SNTG1: variants seen among roughly 807,000 people sequenced by gnomAD.
The protein encoded by SNTG1 is syntrophin gamma 1, also known as gamma-1-syntrophin.
A neutral mutation model predicts 74.7 loss-of-function variants in SNTG1; 39 were observed. That is an observed-to-expected ratio of 0.52 (90% CI 0.40 to 0.68). The LOEUF (loss-of-function observed/expected upper bound fraction) is 0.68, where lower values mean the gene tolerates loss of function less well. Among genes scored for constraint, SNTG1 ranks in the 30% least tolerant of loss-of-function variants. SNTG1 has a pLI of 0.00. For missense variants in SNTG1, 685 were observed against 609.5 expected (o/e 1.12, Z -1.30); for synonymous variants, 254 against 217.1 (o/e 1.17, Z -1.49).
At position 50,692,134 on chromosome 8, in the gene SNTG1, C is replaced by T. The variant is rs549766287; in HGVS notation, c.1039-12466C>T. On this transcript the variant is annotated intron_variant, in intron 15 of 18. Transcript: ENST00000642720. ...TAAGGACTTCTCTGCATTGGTTCTT[C>T]TAGTTATCCATTTGTCTAATTTTTT... Among the ~76,000 whole-genome samples the T allele has an allele frequency of 9.8e-5, 15 of 152,298 alleles. 1 individual carries two copies. The East Asian group carries it at 1.5e-3, about 16-fold the overall frequency.
chr8:50,474,011 C>T (rs559965895), intron 8 of SNTG1, among the ~76,000 whole-genome samples: 4 of 151,790 alleles, frequency 2.6e-5, no homozygotes, highest in Admixed American at 6.6e-5. Flanking sequence ...AGAGGTGCAA[C>T]GGCTCCATGG....
chr8:49,936,075 T>G (rs1342174659), intron 1 of SNTG1, among the ~76,000 whole-genome samples: 1 of 152,104 alleles, frequency 6.6e-6, no homozygotes, highest in Non-Finnish European at 1.5e-5. Flanking sequence ...AAATCCTAAT[T>G]GGAATGGTTC....
chr8:50,502,460 A>G (rs2093968980), intron 8 of SNTG1, among the ~76,000 whole-genome samples: 1 of 152,222 alleles, frequency 6.6e-6, no homozygotes, highest in Non-Finnish European at 1.5e-5. Flanking sequence ...TGACCTGAAC[A>G]TTCTATCTGC....
intron 2 of SNTG1, among the ~76,000 whole-genome samples, chr8:50,310,427 G>A (rs762361618): frequency 1.8e-4 from 27 of 152,218 alleles, no homozygotes; most frequent in Non-Finnish European, 2.2e-4. Context: ...GGTGGCTCAC[G>A]CATGTAATCC....
chr8:50,136,114 A>G (rs983411277), intron 1 of SNTG1, among the ~76,000 whole-genome samples: 5 of 152,112 alleles, frequency 3.3e-5, no homozygotes, highest in African/African-American at 1.2e-4. Context: ...ATTGTATTTC[A>G]TGGTCTATAT....
chr8:50,454,674 T>C (rs1057404882), intron 8 of SNTG1, among the ~76,000 whole-genome samples: 4 of 151,488 alleles, frequency 2.6e-5, no homozygotes, highest in East Asian at 1.9e-4. Flanking sequence ...AAACCCTATC[T>C]CTACTAAAAA....
At chr8:50,753,272 T>C (rs1382595205) in intron 18 of SNTG1, among the ~76,000 whole-genome samples, 3 of 152,056 alleles carry the variant, frequency 2.0e-5, no homozygotes, top group Non-Finnish European at 4.4e-5. Flanking sequence ...TCATTTACTT[T>C]GTGCCAACCA....
At chr8:50,287,895 AC>A (rs925280023) in intron 2 of SNTG1, among the ~76,000 whole-genome samples, 1 of 146,404 alleles carries the variant, frequency 6.8e-6, no homozygotes, top group African/African-American at 2.4e-5. Context: ...TGTCCTTTCC[AC>A]CCCTCTGTGT....
At chr8:50,386,895 A>G (rs1323034397) in intron 2 of SNTG1, among the ~76,000 whole-genome samples, 2 of 152,182 alleles carry the variant, frequency 1.3e-5, no homozygotes, top group African/African-American at 4.8e-5. Flanking sequence ...GTGGACGAAC[A>G]TTCAAACCTT....
chr8:50,678,422 A>G (rs1012345749), intron 15 of SNTG1, among the ~76,000 whole-genome samples: 6 of 152,104 alleles, frequency 3.9e-5, no homozygotes, highest in Non-Finnish European at 7.4e-5. Flanking sequence ...TGTTCTTACT[A>G]TATCCAGACA....
intron 15 of SNTG1, among the ~76,000 whole-genome samples, chr8:50,695,491 T>TTTAA (rs2095401480): frequency 7.6e-6 from 1 of 132,140 alleles, no homozygotes; most frequent in Admixed American, 7.0e-5. Flanking sequence ...TTATTTCTTA[T>TTTAA]TTATTTATTT....
At chr8:50,376,371 A>G (rs1001970454) in intron 2 of SNTG1, among the ~76,000 whole-genome samples, 2 of 152,066 alleles carry the variant, frequency 1.3e-5, no homozygotes, top group African/African-American at 4.8e-5. Context: ...CATCTTACTG[A>G]GGTTTTCTTT....
intron 12 of SNTG1, among the ~76,000 whole-genome samples, chr8:50,555,588 A>G (rs1444475006): frequency 6.6e-6 from 1 of 152,148 alleles, no homozygotes; most frequent in Non-Finnish European, 1.5e-5. Context: ...CACCTTATGG[A>G]AAGATGTAGA....
At chr8:50,077,222 C>A (rs548241597) in intron 1 of SNTG1, among the ~76,000 whole-genome samples, 1 of 152,080 alleles carries the variant, frequency 6.6e-6, no homozygotes, top group Non-Finnish European at 1.5e-5. Context: ...TAGAATTATT[C>A]TTACATTTTT....
intron 13 of SNTG1, among the ~76,000 whole-genome samples, chr8:50,625,127 T>C (rs990279821): frequency 1.3e-5 from 2 of 152,218 alleles, no homozygotes; most frequent in Admixed American, 1.3e-4. Context: ...TTATCTCATT[T>C]AATCCCATCA....
intron 2 of SNTG1, among the ~76,000 whole-genome samples, chr8:50,338,288 A>G (rs1417810796): frequency 1.3e-5 from 2 of 152,198 alleles, no homozygotes; most frequent in Non-Finnish European, 2.9e-5. Context: ...AACACAGCCT[A>G]ACTCCTGGCA....
chr8:50,448,362 T>TTA (rs1447722291), intron 5 of SNTG1, among the ~76,000 whole-genome samples: 1 of 152,206 alleles, frequency 6.6e-6, no homozygotes, highest in East Asian at 1.9e-4. Context: ...ATTGACTATT[T>TTA]TATATTTAAG....
At chr8:50,111,160 C>T (rs1380713190) in intron 1 of SNTG1, among the ~76,000 whole-genome samples, 2 of 152,078 alleles carry the variant, frequency 1.3e-5, no homozygotes, top group Non-Finnish European at 1.5e-5. Context: ...TTGTTGTCAT[C>T]GCCTTACTCT....
intron 1 of SNTG1, among the ~76,000 whole-genome samples, chr8:50,037,034 A>G (rs1403974663): frequency 6.6e-6 from 1 of 152,180 alleles, no homozygotes; most frequent in Non-Finnish European, 1.5e-5. Context: ...TACACCATAG[A>G]TACATAACTT....
Sources: allele counts gnomAD v4.1 joint callset (sites outside exome capture counted in the v4.1 genomes callset), GRCh38; gene constraint gnomAD v4.1.1; transcripts MANE v1.5; gene names NCBI Gene and HGNC (gene_info 2026-07-23, HGNC 2026-07-21).